The following IL9R variants were observed in gnomAD, a reference collection of about 807,000 sequenced individuals.
IL9R encodes interleukin-9 receptor.
A neutral mutation model predicts 56.3 loss-of-function variants in IL9R; 54 were observed. The ratio of observed to expected loss-of-function variants is 0.96; its 90% CI spans 0.77 to 1.20. The LOEUF (loss-of-function observed/expected upper bound fraction) is 1.20. Among genes scored for constraint, IL9R ranks in the 50% most tolerant of loss-of-function variants. The pLI is 0.00. For missense variants in IL9R, 545 were observed against 629.8 expected, an observed-to-expected ratio of 0.87 and a Z score of 1.44; for synonymous variants, 212 against 250.2, an observed-to-expected ratio of 0.85 and a Z score of 1.44.
rs747029804 is a variant in IL9R, at chrX:156,009,978, C to T, written c.1135C>T (p.Pro379Ser). ...GGCCCTGGAGGAGGAACAGGAGGGC[C>T]CTGGGACCAGGCTCCCGGGGAACCT... is the stretch of plus-strand genomic sequence containing the variant. ...SVALEEEQEG[P>S]GTRLPGNLSS... The change falls in exon 9 of 9, where the codon CCT becomes TCT. Residue 379 changes from proline (P) to serine (S), a missense_variant. Pro to Ser is a moderately conservative substitution (Grantham distance 74). Around this residue, in one of 2 missense-constraint regions of IL9R, gnomAD observed 114 missense variants for 269.8 expected, o/e 0.42. Transcript: ENST00000244174. 1.3e-6 allele frequency: 2 copies of T among 1,557,296 alleles called. No individual in the cohort carries two copies. The highest frequency in any genetic ancestry group is 8.6e-7 in the Non-Finnish European group (1 of 1,162,730).
At chrX:156,007,043 G>A (rs1353117618) in intron 7 of IL9R, among the ~76,000 whole-genome samples, 2 of 151,976 alleles carry the variant, frequency 1.3e-5, no homozygotes, top group Admixed American at 1.3e-4. Flanking sequence ...GTGGGGAAAT[G>A]GGGGACAGCC....
intron 8 of IL9R, 151 bp downstream of exon 8, chrX:156,007,758 T>C (rs755198697): frequency 4.1e-5 from 29 of 700,728 alleles, no homozygotes; most frequent in African/African-American, 3.9e-4. Flanking sequence ...TGAATTTCAA[T>C]TTATACGCGT....
chrX:156,003,642 A>T, intron 3 of IL9R, 35 bp from the exon 4 acceptor site: 15 of 1,612,170 alleles, frequency 9.3e-6, no homozygotes, highest in Non-Finnish European at 1.3e-5. Context: ...AGGACAGTGT[A>T]GCAGCCCCGT....
intron 5 of IL9R, among the ~76,000 whole-genome samples, chrX:156,005,005 GTGCA>G (rs1156812632): frequency 2.6e-5 from 4 of 152,094 alleles, no homozygotes; most frequent in Non-Finnish European, 5.9e-5. Context: ...GTTTATGAGT[GTGCA>G]TGCAAGTGTG....
intron 7 of IL9R, among the ~76,000 whole-genome samples, chrX:156,006,838 T>G (rs1003947927): frequency 3.3e-5 from 5 of 150,062 alleles, no homozygotes; most frequent in African/African-American, 1.2e-4. Context: ...TTTTGAGGAA[T>G]AGATTGCTGG....
Position 156,003,692 on chromosome X carries a change from C to T in IL9R, c.270C>T (p.Gly90=), listed in dbSNP as rs750999902. The change falls in exon 4 of 9, where the codon GGC becomes GGT. Residue 90 remains glycine, a synonymous_variant. Coordinates refer to ENST00000244174, the MANE Select transcript of IL9R (RefSeq NM_002186.3). The stretch of plus-strand genomic sequence containing the variant: ...CCCTTTCCAGCAACCAGGCTCCTGG[C>T]GGCACACATAAGTGCATCTTGCGGG... ...WLLFTSNQAP[G]GTHKCILRGS... 16 of 1,612,846 alleles carry T rather than the reference C, an allele frequency of 9.9e-6. No homozygotes were observed. The highest frequency in any genetic ancestry group is 2.2e-5 in the East Asian group (1 of 44,860).
chrX:155,999,191 G>A (rs1193289687), intron 1 of IL9R, among the ~76,000 whole-genome samples: 2 of 151,928 alleles, frequency 1.3e-5, no homozygotes, highest in African/African-American at 4.8e-5. Flanking sequence ...GAGCAGCAGG[G>A]GTCTCCTCCA....
At position 156,000,145 on chromosome X, in the gene IL9R, A is replaced by AAATATATAT. The variant is rs780163667; in HGVS notation, c.28+2359_28+2360insATATATATA. ...AGCGAGACTCCGTCTAAAAAAAAAA[A>AAATATATAT]ATATATATATATATACACACATATA... On this transcript the variant is annotated intron_variant, in intron 1 of 8. Transcript: ENST00000244174. Among the ~76,000 whole-genome samples the AAATATATAT allele has an allele frequency of 5.7e-4, 82 of 144,268 alleles. 1 individual carries two copies. Among genetic ancestry groups the AAATATATAT allele is most frequent in the East Asian group, 5.1e-3 (24 of 4,694 alleles). The allele number at this position is 144,268 out of a possible 152,430, so 94.6% of individuals were successfully genotyped here.
intron 1 of IL9R, chrX:156,001,348 A>G: frequency 8.7e-7 from 1 of 1,148,892 alleles, no homozygotes; most frequent in Middle Eastern, 2.8e-4. Context: ...GGTGACTCCA[A>G]CCCTGCCCTC....
chrX:156,005,504 C>T, intron 6 of IL9R, 25 bp downstream of exon 6: 1 of 1,599,988 alleles, frequency 6.3e-7, no homozygotes, highest in East Asian at 2.2e-5. Flanking sequence ...GGCTGCTGCA[C>T]TTCCAGCGGA....
At chrX:156,009,275 T>C (rs1237107053) in intron 8 of IL9R, among the ~76,000 whole-genome samples, 2 of 112,384 alleles carry the variant, frequency 1.8e-5, no homozygotes, top group Admixed American at 1.6e-4. Context: ...TTTGTGTGTG[T>C]ATGTCTGTGT....
chrX:155,998,311 G>A (rs2067275062), intron 1 of IL9R, among the ~76,000 whole-genome samples: 1 of 151,950 alleles, frequency 6.6e-6, no homozygotes, highest in Non-Finnish European at 1.5e-5. Context: ...AGGTGAGGGT[G>A]GGATTCCAGA....
At chrX:156,007,382 G>A in intron 7 of IL9R, 141 bp from the exon 8 acceptor site, 5 of 665,690 alleles carry the variant, frequency 7.5e-6, no homozygotes, top group Non-Finnish European at 1.4e-5. Context: ...AGAGTGGGTT[G>A]GAATGTGATG....
intron 2 of IL9R, among the ~76,000 whole-genome samples, 200 bp downstream of exon 2, chrX:156,003,219 T>C (rs1350080430): frequency 6.6e-6 from 1 of 152,060 alleles, no homozygotes; most frequent in South Asian, 2.1e-4. Flanking sequence ...GGACCGACTG[T>C]AGTCTCCCTT....
chrX:156,004,121 C>G, intron 4 of IL9R: 1 of 601,220 alleles, frequency 1.7e-6, no homozygotes, highest in East Asian at 2.8e-5. Flanking sequence ...GTGAAATGCA[C>G]TTCAGTCATA....
Position 156,003,834 on chromosome X carries a change from G to T in IL9R, c.412G>T (p.Glu138Ter). Residue 138 changes from glutamate (E) to a stop codon, truncating the protein, a stop_gained, in exon 4 of 9, where the codon GAG becomes TAG. Transcript: ENST00000244174. LOFTEE classifies it high-confidence loss of function. Reference protein sequence around the residue: ...GREQVSLVDPEYLPRRHVKLD... With the variant: ...GREQVSLVDP ...GGAGCAGGTCAGCCTGGTGGACCCGGAGTACCTGCCCCGGAGACACGGTGA... is the reference window on the plus strand; with the variant it reads ...GGAGCAGGTCAGCCTGGTGGACCCGTAGTACCTGCCCCGGAGACACGGTGA... 6.2e-7 allele frequency: 1 copy of T among 1,613,926 alleles called. No homozygotes were observed. The highest frequency in any genetic ancestry group is 8.5e-7 in the Non-Finnish European group (1 of 1,179,842).
At chrX:155,997,927 G>A in intron 1 of IL9R, 140 bp downstream of exon 1, 1 of 796,718 alleles carries the variant, frequency 1.3e-6, no homozygotes, top group Non-Finnish European at 2.2e-6. Context: ...TACCTCCTCT[G>A]GTGTCCTGGC....
At chrX:155,999,508 G>T (rs758062991) in intron 1 of IL9R, among the ~76,000 whole-genome samples, 2 of 151,904 alleles carry the variant, frequency 1.3e-5, no homozygotes, top group African/African-American at 4.8e-5. Flanking sequence ...CATCCCTCCT[G>T]CCTCCTGCCC....
At chrX:156,000,046 G>A (rs1603106962) in intron 1 of IL9R, among the ~76,000 whole-genome samples, 1 of 151,782 alleles carries the variant, frequency 6.6e-6, no homozygotes, top group African/African-American at 2.4e-5. Context: ...TGAAGCAGGA[G>A]GATCACTTGA....
Sources: gnomAD v4.1 joint callset for allele counts (sites outside exome capture counted in the v4.1 genomes callset) on GRCh38, gnomAD v4.1.1 for gene constraint, gnomAD v4.1.1 regional missense constraint, MANE v1.5 for transcripts, NCBI Gene and HGNC (gene_info 2026-07-23, HGNC 2026-07-21) for gene names.